Variants in CFAP47 observed in about 807,000 individuals in gnomAD.
CFAP47 encodes the protein cilia and flagella associated protein 47.
A neutral mutation model predicts 148.1 loss-of-function variants in CFAP47; 29 were observed. The ratio of observed to expected loss-of-function variants is 0.20; its 90% CI spans 0.15 to 0.27. CFAP47 has a LOEUF of 0.27. Among genes scored for constraint, CFAP47 ranks in the 10% least tolerant of loss-of-function variants. The probability of loss-of-function intolerance (pLI) is 1.00; values close to 1 mark genes in which losing one functional copy is unlikely to be tolerated. For synonymous variants in CFAP47, 664 were observed against 577.3 expected (o/e 1.15, Z -2.15); for missense variants, 1,872 against 1,697.5 (o/e 1.10, Z -1.81).
At chrX:36,108,081 G>C (rs1938493991) in intron 33 of CFAP47, among the ~76,000 whole-genome samples, 1 of 111,400 alleles carries the variant, frequency 9.0e-6, no homozygotes, top group African/African-American at 3.3e-5. Context: ...TCTACCCTCT[G>C]ATATACAGAC....
intron 15 of CFAP47, among the ~76,000 whole-genome samples, chrX:35,978,017 G>T (rs902802367): frequency 8.9e-6 from 1 of 111,976 alleles, no homozygotes; most frequent in Non-Finnish European, 1.9e-5. Flanking sequence ...TCACTTGACC[G>T]AGCTCTTTAT....
chrX:36,272,278 C>T (rs187370033), intron 49 of CFAP47, among the ~76,000 whole-genome samples: 9 of 111,918 alleles, frequency 8.0e-5, no homozygotes, highest in South Asian at 3.7e-4. Flanking sequence ...GGTAGAAGTG[C>T]GCCAGTTAAA....
At chrX:36,233,631 T>A (rs1940405116) in intron 46 of CFAP47, among the ~76,000 whole-genome samples, 1 of 111,799 alleles carries the variant, frequency 8.9e-6, no homozygotes, top group African/African-American at 3.3e-5. Flanking sequence ...GTTAATATTG[T>A]TATGTGTGAA....
intron 14 of CFAP47, 38 bp from the exon 15 acceptor site, chrX:35,975,634 A>C: frequency 8.4e-7 from 1 of 1,190,695 alleles, no homozygotes; most frequent in Non-Finnish European, 1.1e-6. Context: ...ACAAATAACT[A>C]TTATCAGTTA....
intron 27 of CFAP47, among the ~76,000 whole-genome samples, chrX:36,069,356 G>A (rs1398985018): frequency 9.0e-6 from 1 of 110,571 alleles, no homozygotes; most frequent in Non-Finnish European, 1.9e-5. Context: ...ATTTTTATAT[G>A]CTTTATAATT....
chrX:36,127,192 G>C (rs912133810), intron 33 of CFAP47, among the ~76,000 whole-genome samples: 4 of 111,786 alleles, frequency 3.6e-5, no homozygotes, highest in Admixed American at 1.9e-4. Flanking sequence ...GAATGGTATT[G>C]CCCAGGTTTT....
intron 53 of CFAP47, 44 bp downstream of exon 53, chrX:36,301,223 T>C: frequency 1.4e-6 from 1 of 707,833 alleles, no homozygotes; most frequent in South Asian, 2.6e-5. Context: ...GCAAGAAAAA[T>C]AGTTAATCTA....
Position 36,227,477 on chromosome X carries a change from CACAT to C in CFAP47, c.6818-1149_6818-1146del, listed in dbSNP as rs1179267661. On this transcript the variant is annotated intron_variant, in intron 45 of 63. Transcript: ENST00000378653. ...TACATAATGTATAATTTATAACACA[CACAT>C]AAACTCTTGTTTGATAAAGGATTTA... Among the ~76,000 whole-genome samples, 4 of 110,550 alleles carry C rather than the reference CACAT, an allele frequency of 3.6e-5. No individual in the cohort carries two copies. The East Asian group carries it at 8.4e-4, about 23-fold the overall frequency.
intron 49 of CFAP47, among the ~76,000 whole-genome samples, chrX:36,278,400 T>A (rs926050248): frequency 8.9e-6 from 1 of 112,921 alleles, no homozygotes; most frequent in African/African-American, 3.2e-5. Context: ...GCCAAGCCAG[T>A]CGTGGGATAT....
intron 57 of CFAP47, among the ~76,000 whole-genome samples, chrX:36,344,253 G>GA (rs1941678186): frequency 3.5e-5 from 2 of 57,871 alleles, no homozygotes; most frequent in African/African-American, 2.2e-4. Flanking sequence ...AAAAAAGAGA[G>GA]AAAGAAAAAA....
At chrX:36,331,923 G>A (rs896950968) in intron 57 of CFAP47, among the ~76,000 whole-genome samples, 7 of 112,038 alleles carry the variant, frequency 6.2e-5, no homozygotes, top group African/African-American at 2.3e-4. Context: ...ATGTGATTTT[G>A]TAGGCTTAGC....
intron 51 of CFAP47, among the ~76,000 whole-genome samples, chrX:36,297,302 A>T (rs1423216124): frequency 8.9e-6 from 1 of 111,878 alleles, no homozygotes; most frequent in African/African-American, 3.2e-5. Flanking sequence ...CAAAGCTGTA[A>T]TATCTGCCTT....
chrX:36,077,005 C>T (rs1020275881), intron 29 of CFAP47, among the ~76,000 whole-genome samples: 9 of 109,527 alleles, frequency 8.2e-5, no homozygotes, highest in Non-Finnish European at 1.5e-4. Flanking sequence ...ATCCTTTCTC[C>T]ATTGCTTATT....
At chrX:36,168,464 C>G (rs1939520927) in intron 39 of CFAP47, among the ~76,000 whole-genome samples, 1 of 112,344 alleles carries the variant, frequency 8.9e-6, no homozygotes, top group Non-Finnish European at 1.9e-5. Context: ...CAATGTATCT[C>G]TTTTTCCTAG....
intron 40 of CFAP47, among the ~76,000 whole-genome samples, chrX:36,187,672 CCTT>C (rs1396247503): frequency 9.0e-6 from 1 of 110,631 alleles, no homozygotes; most frequent in Non-Finnish European, 1.9e-5. Flanking sequence ...AAAGGTATTA[CCTT>C]TTTTTAAAAA....
chrX:36,259,497 A>G (rs1185484893), intron 49 of CFAP47, among the ~76,000 whole-genome samples: 3 of 111,323 alleles, frequency 2.7e-5, no homozygotes, highest in African/African-American at 9.8e-5. Flanking sequence ...AACAGCAACT[A>G]CATATACTTC....
intron 15 of CFAP47, among the ~76,000 whole-genome samples, chrX:35,977,113 A>G (rs1421695095): frequency 8.9e-6 from 1 of 111,978 alleles, no homozygotes; most frequent in Non-Finnish European, 1.9e-5. Flanking sequence ...TTTTATGTAC[A>G]TGTTGTGCCT....
chrX:36,326,602 C>T (rs965805270), intron 57 of CFAP47, among the ~76,000 whole-genome samples: 59 of 111,938 alleles, frequency 5.3e-4, no homozygotes, highest in Middle Eastern at 4.7e-3. Context: ...TCTTGCTATG[C>T]TTTAGCAAAG....
intron 39 of CFAP47, among the ~76,000 whole-genome samples, chrX:36,170,613 A>G (rs966144938): frequency 7.3e-5 from 8 of 109,827 alleles, no homozygotes; most frequent in African/African-American, 2.7e-4. Flanking sequence ...ATGTCCCTAC[A>G]AAGGACATGA....
Sources: gnomAD v4.1 joint callset for allele counts (sites outside exome capture counted in the v4.1 genomes callset) on GRCh38, gnomAD v4.1.1 for gene constraint, MANE v1.5 for transcripts, NCBI Gene and HGNC (gene_info 2026-07-23, HGNC 2026-07-21) for gene names.